NLRC5: variants seen among roughly 807,000 people sequenced by gnomAD.
NLRC5 encodes the protein NLR family CARD domain containing 5, also known as protein NLRC5.
A neutral mutation model predicts 206.9 loss-of-function variants in NLRC5; 114 were observed. The observed-to-expected ratio is 0.55, with a 90% confidence interval of 0.47 to 0.64. NLRC5 has a LOEUF of 0.64. Ranked by LOEUF, NLRC5 falls within the 30% of genes least tolerant of loss-of-function variation. The pLI, the probability that NLRC5 is intolerant of heterozygous loss-of-function variation, is 0.00. For missense variants in NLRC5, 2,008 were observed against 2,305.5 expected (o/e 0.87, Z 2.64); for synonymous variants, 952 against 962.8 (o/e 0.99, Z 0.21).
At chr16:57,032,934 G>T (rs2062050382) in intron 11 of NLRC5, among the ~76,000 whole-genome samples, 1 of 152,006 alleles carries the variant, frequency 6.6e-6, no homozygotes, top group Non-Finnish European at 1.5e-5. Flanking sequence ...GGAGTTTGAG[G>T]CTGCAGTGAA....
intron 24 of NLRC5, 35 bp downstream of exon 24, chr16:57,051,656 T>C (rs770601451): frequency 6.4e-7 from 1 of 1,553,466 alleles, no homozygotes. Context: ...CCCGGTTCCT[T>C]GTGCTCGTGT....
Position 57,028,064 on chromosome 16 carries a change from T to G in NLRC5, c.2076-8T>G. 4 of 1,610,832 alleles carry G rather than the reference T, an allele frequency of 2.5e-6. No individual in the cohort carries two copies. Among genetic ancestry groups the G allele is most frequent in the Non-Finnish European group, 3.4e-6 (4 of 1,177,546 alleles). ...GATCCTCTGACACTTCGCTTCTTCTTATGGCAGCTTTAAGAGCAGGAAGTG... is the reference window on the plus strand; with the variant it reads ...GATCCTCTGACACTTCGCTTCTTCTGATGGCAGCTTTAAGAGCAGGAAGTG... On this transcript the variant is annotated splice_region_variant and splice_polypyrimidine_tract_variant and intron_variant, in intron 6 of 48. Coordinates refer to ENST00000688547, the MANE Select transcript of NLRC5 (RefSeq NM_001384950.1).
chr16:57,027,864 T>A (rs2061410979), intron 6 of NLRC5, among the ~76,000 whole-genome samples: 1 of 152,186 alleles, frequency 6.6e-6, no homozygotes, highest in African/African-American at 2.4e-5. Context: ...GGAAATGTGA[T>A]CTCTGGCTGG....
intron 14 of NLRC5, 102 bp downstream of exon 14, chr16:57,036,285 C>A: frequency 9.5e-7 from 1 of 1,055,876 alleles, no homozygotes; most frequent in Non-Finnish European, 1.4e-6. Flanking sequence ...TCCACTGCCA[C>A]CCCTGCTTCC....
In NLRC5 at chr16:57,067,458, T is replaced by A; in HGVS notation, c.4394T>A (p.Leu1465Gln). ...CAGCTGATGGAGACATGTGCCAGGC[T>A]GCAGCAGCTCAGGTCAGCGCCTGGA... ...VGQLMETCAR[L>Q]QQLSLSQVNL... The change falls in exon 35 of 49, where the codon CTG (leucine) becomes CAG (glutamine). Residue 1465 changes from leucine (L) to glutamine (Q), a missense_variant. By Grantham distance (113) the Leu-to-Gln change is moderately radical (BLOSUM62 -2). Transcript: ENST00000688547. 1 of 1,614,232 alleles carries A rather than the reference T, an allele frequency of 6.2e-7. No homozygotes were observed. Among genetic ancestry groups the A allele is most frequent in the Non-Finnish European group, 8.5e-7 (1 of 1,180,028 alleles).
chr16:57,034,719 C>G (rs531968747), intron 13 of NLRC5: 40 of 154,674 alleles, frequency 2.6e-4, no homozygotes, highest in African/African-American at 8.2e-4. Flanking sequence ...CCCCCCACCC[C>G]CTTCATCCTT....
Position 57,025,868 on chromosome 16 carries a change from C to T in NLRC5, c.925C>T (p.Leu309=). ...ADQVLLIFDG[L]DEALQPMGPD... ...CCAAGTCCTGCTGATCTTTGATGGG[C>T]TAGATGAGGCCCTCCAGCCTATGGG... The change falls in exon 6 of 49, where the codon CTA becomes TTA. Residue 309 remains leucine (L), a synonymous_variant. Coordinates refer to ENST00000688547, the MANE Select transcript of NLRC5 (RefSeq NM_001384950.1). 2 of 1,614,232 alleles carry T rather than the reference C, an allele frequency of 1.2e-6. No homozygotes were observed.
intron 3 of NLRC5, among the ~76,000 whole-genome samples, chr16:57,021,912 A>G (rs1254859753): frequency 2.0e-5 from 3 of 152,214 alleles, no homozygotes; most frequent in Non-Finnish European, 2.9e-5. Context: ...GCATGCACAT[A>G]TGTGCAGACA....
intron 1 of NLRC5, among the ~76,000 whole-genome samples, chr16:56,994,136 G>C (rs1437422668): frequency 2.0e-5 from 3 of 150,722 alleles, no homozygotes; most frequent in East Asian, 2.0e-4. Context: ...TGGGAAGAGA[G>C]TGCTTTGCAT....
At chr16:57,021,185 G>GT in intron 3 of NLRC5, 178 bp downstream of exon 3, 1 of 595,650 alleles carries the variant, frequency 1.7e-6, no homozygotes, top group Non-Finnish European at 2.9e-6. Context: ...ATCTGCTGGG[G>GT]CCTGGAGGAC....
chr16:57,066,859 AT>A (rs1404804006), intron 34 of NLRC5, among the ~76,000 whole-genome samples: 2 of 152,162 alleles, frequency 1.3e-5, no homozygotes, highest in African/African-American at 4.8e-5. Context: ...ACCTTAGGGC[AT>A]TTGCACAGGC....
chr16:56,999,556 G>A (rs1316111297), intron 1 of NLRC5, among the ~76,000 whole-genome samples: 3 of 152,274 alleles, frequency 2.0e-5, no homozygotes, highest in Non-Finnish European at 2.9e-5. Flanking sequence ...TGGAGCTGAG[G>A]AGGGGACTTC....
At chr16:57,007,648 G>C (rs1036175490) in intron 1 of NLRC5, among the ~76,000 whole-genome samples, 2 of 152,194 alleles carry the variant, frequency 1.3e-5, no homozygotes, top group Non-Finnish European at 2.9e-5. Flanking sequence ...AGAATTGCTT[G>C]AACTGGGGAG....
chr16:57,079,463 C>A (rs1156893588), intron 45 of NLRC5, 83 bp from the exon 46 acceptor site: 4 of 1,405,734 alleles, frequency 2.8e-6, no homozygotes, highest in East Asian at 4.6e-5. Context: ...TACCCCAGAC[C>A]CTGGTGGCTC....
chr16:57,032,680 G>C (rs960440790), intron 11 of NLRC5, among the ~76,000 whole-genome samples: 1 of 151,976 alleles, frequency 6.6e-6, no homozygotes, highest in Middle Eastern at 3.4e-3. Flanking sequence ...CAGATGCCAG[G>C]ACATTTCCAT....
chr16:57,028,035 C>T (rs556555239), intron 6 of NLRC5, 37 bp from the exon 7 acceptor site: 31 of 1,507,418 alleles, frequency 2.1e-5, no homozygotes, highest in Non-Finnish European at 1.9e-5. Flanking sequence ...CTCTGCCCAG[C>T]ACTGATCCTC....
intron 15 of NLRC5, among the ~76,000 whole-genome samples, chr16:57,038,843 G>A (rs1236318566): frequency 6.6e-6 from 1 of 151,628 alleles, no homozygotes; most frequent in Non-Finnish European, 1.5e-5. Context: ...GCTGAGGCAG[G>A]AGAATCGCTG....
chr16:57,007,491 G>T (rs1231480505), intron 1 of NLRC5, among the ~76,000 whole-genome samples: 2 of 152,132 alleles, frequency 1.3e-5, no homozygotes, highest in African/African-American at 4.8e-5. Context: ...GGGAGGCCGA[G>T]GCAGGTAGAT....
intron 8 of NLRC5, 41 bp downstream of exon 8, chr16:57,028,426 G>T (rs1225593705): frequency 6.6e-7 from 1 of 1,515,344 alleles, no homozygotes; most frequent in African/African-American, 1.4e-5. Context: ...GGGGAGATGA[G>T]CCACTGCCCA....
Sources: allele counts gnomAD v4.1 joint callset (sites outside exome capture counted in the v4.1 genomes callset), GRCh38; gene constraint gnomAD v4.1.1; transcripts MANE v1.5; gene names NCBI Gene and HGNC (gene_info 2026-07-23, HGNC 2026-07-21).